The following GNA14 variants were observed in gnomAD, a reference collection of about 807,000 sequenced individuals.
GNA14 encodes guanine nucleotide-binding protein subunit alpha-14.
In GNA14, 50 loss-of-function variants were observed where a neutral mutation model predicts 42.0. That is an observed-to-expected ratio of 1.19 (90% CI 0.95 to 1.51). GNA14 has a LOEUF of 1.51. GNA14 is among the 40% of genes most tolerant of loss of function. The probability of loss-of-function intolerance (pLI) is 0.00; values close to 1 mark genes in which losing one functional copy is unlikely to be tolerated. For synonymous variants in GNA14, 173 were observed against 163.1 expected, an observed-to-expected ratio of 1.06 and a Z score of -0.46; for missense variants, 473 against 446.2, an observed-to-expected ratio of 1.06 and a Z score of -0.54.
chr9:77,595,344 C>T (rs1823448129), intron 1 of GNA14, among the ~76,000 whole-genome samples: 1 of 152,190 alleles, frequency 6.6e-6, no homozygotes, highest in Non-Finnish European at 1.5e-5. Flanking sequence ...ATCATAGCTT[C>T]GTGAGCACAG....
At chr9:77,614,042 CAAAT>C (rs1823772952) in intron 1 of GNA14, among the ~76,000 whole-genome samples, 1 of 152,200 alleles carries the variant, frequency 6.6e-6, no homozygotes, top group East Asian at 1.9e-4. Flanking sequence ...GTTGCAGTAA[CAAAT>C]AATTCCCAAG....
intron 3 of GNA14, 66 bp from the exon 4 acceptor site, chr9:77,431,515 A>G: frequency 2.0e-6 from 3 of 1,468,644 alleles, no homozygotes; most frequent in Non-Finnish European, 2.8e-6. Context: ...ATCCTACTCA[A>G]AGGAAGTCAC....
intron 1 of GNA14, among the ~76,000 whole-genome samples, chr9:77,593,570 A>C (rs923620090): frequency 2.6e-5 from 4 of 152,144 alleles, no homozygotes; most frequent in African/African-American, 4.8e-5. Flanking sequence ...TCAGCCTCCC[A>C]AAGTGCTGGA....
At chr9:77,604,769 G>A (rs1428272619) in intron 1 of GNA14, among the ~76,000 whole-genome samples, 2 of 152,146 alleles carry the variant, frequency 1.3e-5, no homozygotes, top group East Asian at 3.9e-4. Context: ...CACCTATGGG[G>A]TTGTTGCAAG....
At chr9:77,507,854 T>C (rs1261959120) in intron 2 of GNA14, among the ~76,000 whole-genome samples, 1 of 151,994 alleles carries the variant, frequency 6.6e-6, no homozygotes, top group East Asian at 1.9e-4. Context: ...TTACAGGCAC[T>C]CATCACTGCG....
intron 2 of GNA14, among the ~76,000 whole-genome samples, chr9:77,449,072 G>T (rs1377841791): frequency 6.6e-6 from 1 of 152,262 alleles, no homozygotes; most frequent in Non-Finnish European, 1.5e-5. Context: ...CATTTTTACT[G>T]TATCTTTTCT....
Position 77,647,842 on chromosome 9 carries a change from G to C in GNA14, c.-49C>G, listed in dbSNP as rs759758045. The C allele has an allele frequency of 1.1e-5, 18 of 1,578,670 alleles. No homozygotes were observed. Among genetic ancestry groups the C allele is most frequent in the Non-Finnish European group, 1.5e-5 (18 of 1,167,340 alleles). ...CGGGGCGACGCGGCCCCGGGCACCC[G>C]AATCCTCGGCCCGGCCGCTCACCCG... is the stretch of plus-strand genomic sequence containing the variant. On this transcript the variant is annotated 5_prime_UTR_variant, in exon 1 of 7. Transcript: ENST00000341700.
intron 1 of GNA14, among the ~76,000 whole-genome samples, chr9:77,625,168 T>C (rs1308629263): frequency 6.6e-6 from 1 of 151,340 alleles, no homozygotes; most frequent in African/African-American, 2.4e-5. Flanking sequence ...AGATTGAAGA[T>C]CAACTTAACG....
chr9:77,489,874 G>A (rs1352284806), intron 2 of GNA14, among the ~76,000 whole-genome samples: 2 of 152,128 alleles, frequency 1.3e-5, no homozygotes, highest in Non-Finnish European at 2.9e-5. Context: ...AAGACTGAAA[G>A]AACAAAGCTT....
chr9:77,612,944 T>A (rs1302628508), intron 1 of GNA14, among the ~76,000 whole-genome samples: 2 of 152,238 alleles, frequency 1.3e-5, no homozygotes, highest in Non-Finnish European at 2.9e-5. Flanking sequence ...GCAGCATTAT[T>A]CGTAATAGCC....
chr9:77,555,441 T>G (rs746976009), intron 1 of GNA14, among the ~76,000 whole-genome samples: 4 of 152,130 alleles, frequency 2.6e-5, no homozygotes, highest in Non-Finnish European at 5.9e-5. Flanking sequence ...GAGGCCTAAG[T>G]TGCAATGAAC....
At chr9:77,589,947 T>G (rs1823366299) in intron 1 of GNA14, among the ~76,000 whole-genome samples, 1 of 152,144 alleles carries the variant, frequency 6.6e-6, no homozygotes. Flanking sequence ...GATAGAGTCT[T>G]GCTCTGTCAC....
chr9:77,575,086 C>T (rs745734950), intron 1 of GNA14, among the ~76,000 whole-genome samples: 1 of 152,218 alleles, frequency 6.6e-6, no homozygotes, highest in South Asian at 2.1e-4. Flanking sequence ...AATGATTTCA[C>T]GCTTCATACC....
intron 2 of GNA14, among the ~76,000 whole-genome samples, chr9:77,481,243 GTTGTGTCT>G (rs1395625258): frequency 6.6e-6 from 1 of 152,154 alleles, no homozygotes; most frequent in Non-Finnish European, 1.5e-5. Context: ...ATTCTGGTGT[GTTGTGTCT>G]TTGTTCTCAT....
rs190977155 is a variant in GNA14 at position 77,490,665 on chromosome 9, G to A, written c.309+38404C>T. ...ACTGCCCAGGCCAGCAGGGCCGGCC[G>A]GCCGCTCCGAGTGCGGGGCCTGCCA... On this transcript the variant is annotated intron_variant, in intron 2 of 6. Transcript: ENST00000341700. 7.6e-3 allele frequency among the ~76,000 whole-genome samples: 1,162 copies of A among 152,318 alleles called. 18 individuals are homozygous for A. Among genetic ancestry groups the A allele is most frequent in the African/African-American group, 0.026 (1,099 of 41,586 alleles).
At chr9:77,470,805 G>C (rs543330641) in intron 2 of GNA14, among the ~76,000 whole-genome samples, 14 of 152,258 alleles carry the variant, frequency 9.2e-5, no homozygotes, top group Non-Finnish European at 2.1e-4. Flanking sequence ...AGAAAGAGAA[G>C]GGGAAGCAAG....
At chr9:77,537,408 A>T (rs1837611207) in intron 1 of GNA14, among the ~76,000 whole-genome samples, 1 of 152,110 alleles carries the variant, frequency 6.6e-6, no homozygotes, top group African/African-American at 2.4e-5. Flanking sequence ...AAATGACATG[A>T]TTTCGTTCTT....
intron 1 of GNA14, among the ~76,000 whole-genome samples, chr9:77,638,915 T>C (rs763570480): frequency 3.9e-5 from 6 of 152,106 alleles, no homozygotes; most frequent in Non-Finnish European, 8.8e-5. Context: ...ATGTGTGAAA[T>C]TTTCATAGCC....
At position 77,544,189 on chromosome 9, in the gene GNA14, A is replaced by G. The variant is rs571924809; in HGVS notation, c.125-14936T>C. 1.8e-3 allele frequency among the ~76,000 whole-genome samples: 278 copies of G among 152,326 alleles called. 1 individual carries two copies. Among genetic ancestry groups the G allele is most frequent in the Middle Eastern group, 6.8e-3 (2 of 294 alleles). Reference sequence around the variant, plus strand: ...CATTTTATGTCAATAGCTCATATGTATAAGATTCCAGAAATGTAACAAAAT... The same window carrying G: ...CATTTTATGTCAATAGCTCATATGTGTAAGATTCCAGAAATGTAACAAAAT... On this transcript the variant is annotated intron_variant, in intron 1 of 6. Coordinates refer to ENST00000341700, the MANE Select transcript of GNA14 (RefSeq NM_004297.4).
Sources: gnomAD v4.1 joint callset for allele counts (sites outside exome capture counted in the v4.1 genomes callset) on GRCh38, gnomAD v4.1.1 for gene constraint, MANE v1.5 for transcripts, NCBI Gene and HGNC (gene_info 2026-07-23, HGNC 2026-07-21) for gene names.